Variants in GUCY1A1 observed in about 807,000 individuals in gnomAD.
GUCY1A1 encodes guanylate cyclase 1 soluble subunit alpha 1.
Under a neutral mutation model 64.5 loss-of-function variants are expected in GUCY1A1, and 48 were observed. The observed-to-expected ratio is 0.74, with a 90% CI of 0.59 to 0.95. GUCY1A1 has a LOEUF of 0.95. Among genes scored for constraint, GUCY1A1 ranks in the 40% least tolerant of loss-of-function variants. The pLI is 0.00. For missense variants in GUCY1A1, 804 were observed against 825.3 expected (o/e 0.97, Z 0.32); for synonymous variants, 308 against 303.4 (o/e 1.02, Z -0.16).
At chr4:155,729,887 G>T in intron 9 of GUCY1A1, 143 bp from the exon 10 acceptor site, 1 of 585,042 alleles carries the variant, frequency 1.7e-6, no homozygotes, top group Non-Finnish European at 3.0e-6. Flanking sequence ...GAAGATGTCT[G>T]TTAATCTCGT....
intron 9 of GUCY1A1, among the ~76,000 whole-genome samples, chr4:155,727,421 T>A (rs866442477): frequency 1.4e-4 from 21 of 152,024 alleles, no homozygotes; most frequent in Middle Eastern, 3.4e-3. Context: ...TTACCAGACG[T>A]GCAATCTAGA....
intron 2 of GUCY1A1, among the ~76,000 whole-genome samples, chr4:155,685,603 G>GTTTTTTTTTTTTTTT (rs70954055): frequency 1.2e-4 from 13 of 108,852 alleles, no homozygotes; most frequent in Admixed American, 4.7e-4. Flanking sequence ...TTCTCCTTGT[G>GTTTTTTTTTTTTTTT]TTTTTTTTTT....
At chr4:155,702,014 T>TCATTCATTCATA (rs1252838704) in intron 3 of GUCY1A1, among the ~76,000 whole-genome samples, 1 of 142,698 alleles carries the variant, frequency 7.0e-6, no homozygotes, top group Non-Finnish European at 1.5e-5. Context: ...TGGACATCAT[T>TCATTCATTCATA]CATTCATTCA....
chr4:155,688,244 A>AAACAAAC (rs1172766735), intron 2 of GUCY1A1, among the ~76,000 whole-genome samples: 1 of 142,882 alleles, frequency 7.0e-6, no homozygotes, highest in South Asian at 2.3e-4. Flanking sequence ...AACAAACAAA[A>AAACAAAC]AAAAAAAAAA....
chr4:155,692,277 T>C (rs183954598), intron 2 of GUCY1A1, among the ~76,000 whole-genome samples: 1 of 152,326 alleles, frequency 6.6e-6, no homozygotes, highest in East Asian at 1.9e-4. Context: ...GTCTTTATAA[T>C]AGAATGATTT....
intron 7 of GUCY1A1, among the ~76,000 whole-genome samples, chr4:155,715,944 A>AG (rs1733175096): frequency 6.6e-6 from 1 of 152,178 alleles, no homozygotes; most frequent in Admixed American, 6.5e-5. Flanking sequence ...GCAGTGGGTA[A>AG]GGGGTGATTG....
intron 2 of GUCY1A1, among the ~76,000 whole-genome samples, chr4:155,672,581 C>G (rs35092254): frequency 0.23 from 35,307 of 151,984 alleles, 5,213 homozygotes; most frequent in East Asian, 0.64. Flanking sequence ...AAGGAGATAA[C>G]TAGGTTAGTT....
intron 6 of GUCY1A1, among the ~76,000 whole-genome samples, chr4:155,712,243 C>T (rs914302872): frequency 6.6e-6 from 1 of 152,212 alleles, no homozygotes; most frequent in South Asian, 2.1e-4. Context: ...CAGTTCTCCC[C>T]GCTTCAGCCT....
At chr4:155,719,337 G>A (rs1560961473) in intron 8 of GUCY1A1, among the ~76,000 whole-genome samples, 1 of 152,116 alleles carries the variant, frequency 6.6e-6, no homozygotes, top group African/African-American at 2.4e-5. Flanking sequence ...AGAGTGGAGA[G>A]TATTTTTAGT....
chr4:155,711,965 A>G (rs1732629316), intron 6 of GUCY1A1, among the ~76,000 whole-genome samples: 1 of 152,204 alleles, frequency 6.6e-6, no homozygotes, highest in South Asian at 2.1e-4. Context: ...GTAGCAAAAA[A>G]ATGAAAAACT....
At chr4:155,708,155 A>G (rs1732051880) in intron 4 of GUCY1A1, 81 bp from the exon 5 acceptor site, 6 of 764,638 alleles carry the variant, frequency 7.8e-6, no homozygotes, top group South Asian at 1.6e-5. Flanking sequence ...ACTATTTTCT[A>G]TCATTGTTTC....
At chr4:155,718,575 C>T (rs113671504) in intron 8 of GUCY1A1, among the ~76,000 whole-genome samples, 13 of 152,244 alleles carry the variant, frequency 8.5e-5, no homozygotes, top group East Asian at 3.9e-4. Context: ...GGGATTGCAA[C>T]GATTGAAGCT....
intron 2 of GUCY1A1, among the ~76,000 whole-genome samples, chr4:155,679,600 C>T (rs954611398): frequency 2.0e-5 from 3 of 152,166 alleles, no homozygotes; most frequent in East Asian, 1.9e-4. Context: ...ATCGTGAGAA[C>T]GGTGCCAAGT....
intron 2 of GUCY1A1, among the ~76,000 whole-genome samples, chr4:155,670,939 T>G (rs1393609876): frequency 6.6e-6 from 1 of 152,132 alleles, no homozygotes; most frequent in African/African-American, 2.4e-5. Flanking sequence ...AATCCTGACC[T>G]TTTTTTCTAG....
chr4:155,712,623 A>G (rs1275949967), intron 6 of GUCY1A1, among the ~76,000 whole-genome samples: 4 of 152,190 alleles, frequency 2.6e-5, no homozygotes, highest in African/African-American at 7.2e-5. Flanking sequence ...TGGAGCAAGT[A>G]CTTATGGGAG....
chr4:155,706,455 A>G (rs1731770161), intron 4 of GUCY1A1, among the ~76,000 whole-genome samples: 1 of 152,116 alleles, frequency 6.6e-6, no homozygotes, highest in Admixed American at 6.5e-5. Context: ...ACGAATTGAC[A>G]AACAAAAATC....
At chr4:155,685,518 G>C (rs533376088) in intron 2 of GUCY1A1, among the ~76,000 whole-genome samples, 1 of 151,766 alleles carries the variant, frequency 6.6e-6, no homozygotes, top group East Asian at 2.0e-4. Flanking sequence ...AGCTTTGTCT[G>C]ACCCTCTCAG....
At chr4:155,687,962 A>T (rs1729209736) in intron 2 of GUCY1A1, among the ~76,000 whole-genome samples, 1 of 152,016 alleles carries the variant, frequency 6.6e-6, no homozygotes, top group Admixed American at 6.6e-5. Context: ...GGTGGCTCAC[A>T]TCTGTAATCC....
chr4:155,736,660 G>A lies in GUCY1A1; in HGVS notation c.*6429G>A, dbSNP rs1459015998. On this transcript the variant is annotated 3_prime_UTR_variant, in exon 10 of 10. Transcript: ENST00000506455. ...GGAGTTAGTTTTTTGGTCCTGATGTGTAAAATGATTCATGGGGTTTCACAT... is the reference window on the plus strand; with the variant it reads ...GGAGTTAGTTTTTTGGTCCTGATGTATAAAATGATTCATGGGGTTTCACAT... 6.6e-6 allele frequency: 1 copy of A among 151,954 alleles called. No individual in the cohort carries two copies. The allele number at this position is 151,954 out of a possible 1,614,324, so 9.4% of individuals were successfully genotyped here. A position where few individuals can be genotyped will look rare whatever the true frequency, so the allele number is the denominator to read the frequency against.
Sources: gnomAD v4.1 joint callset for allele counts (sites outside exome capture counted in the v4.1 genomes callset) on GRCh38, gnomAD v4.1.1 for gene constraint, MANE v1.5 for transcripts, NCBI Gene and HGNC (gene_info 2026-07-23, HGNC 2026-07-21) for gene names.